Variants in TNFRSF11A observed in about 807,000 individuals in gnomAD.
TNFRSF11A encodes tumor necrosis factor receptor superfamily member 11A.
A neutral mutation model predicts 55.7 loss-of-function variants in TNFRSF11A; 32 were observed. The ratio of observed to expected loss-of-function variants is 0.57; its 90% confidence interval spans 0.43 to 0.77. The LOEUF (loss-of-function observed/expected upper bound fraction) is 0.77, where lower values mean the gene tolerates loss of function less well. Among genes scored for constraint, TNFRSF11A ranks in the 30% least tolerant of loss-of-function variants. TNFRSF11A has a pLI of 0.00. For missense variants in TNFRSF11A, 753 were observed against 809.8 expected (o/e 0.93, Z 0.85); for synonymous variants, 311 against 331.0 (o/e 0.94, Z 0.65).
At chr18:62,374,265 C>A (rs1490657115) in intron 9 of TNFRSF11A, 1 of 152,138 alleles carries the variant, frequency 6.6e-6, no homozygotes, top group African/African-American at 2.4e-5. Context: ...TTTTGGAAGG[C>A]TTTGGTCTGT....
At position 62,358,253 on chromosome 18, in the gene TNFRSF11A, C is replaced by G; in HGVS notation, c.433C>G (p.Leu145Val). The G allele has an allele frequency of 6.2e-7, 1 of 1,600,034 alleles. No individual in the cohort carries two copies. Among genetic ancestry groups the G allele is most frequent in the Non-Finnish European group, 8.5e-7 (1 of 1,172,322 alleles). ...TTTTTTTTTTTTTCTCACAGTGCAG[C>G]TCAACAAGGACACAGTGTGCAAACC... ...PGLGAQHPLQ[L>V]NKDTVCKPCL... The change falls in exon 5 of 10, where the codon CTC becomes GTC. Residue 145 changes from leucine to valine, a missense_variant. By Grantham distance (32) the Leu-to-Val change is conservative (BLOSUM62 1). Coordinates refer to ENST00000586569, the MANE Select transcript of TNFRSF11A (RefSeq NM_003839.4).
At position 62,361,678 on chromosome 18, in the gene TNFRSF11A, A is replaced by G; in HGVS notation, c.617-2A>G. On this transcript the variant is annotated splice_acceptor_variant, in intron 6 of 9. Transcript: ENST00000586569. LOFTEE classifies it high-confidence loss of function. Reference sequence around the variant, plus strand: ...CATATTTCTCATTTTCTTCCAATACAGAACCCCATGTTTACTTGCCCGGTT... The same window carrying G: ...CATATTTCTCATTTTCTTCCAATACGGAACCCCATGTTTACTTGCCCGGTT... 1 of 1,612,912 alleles carries G rather than the reference A, an allele frequency of 6.2e-7. No individual in the cohort carries two copies. The highest frequency in any genetic ancestry group is 8.5e-7 in the Non-Finnish European group (1 of 1,178,890).
intron 1 of TNFRSF11A, among the ~76,000 whole-genome samples, chr18:62,347,683 C>T (rs575110914): frequency 2.6e-4 from 40 of 152,148 alleles, no homozygotes; most frequent in African/African-American, 9.2e-4. Context: ...GAGGCCGAGG[C>T]GGGTGGATCA....
intron 4 of TNFRSF11A, among the ~76,000 whole-genome samples, chr18:62,356,578 T>G (rs1424560134): frequency 6.6e-6 from 1 of 152,184 alleles, no homozygotes; most frequent in East Asian, 1.9e-4. Context: ...GAATGGAAAT[T>G]TCACTCCTGT....
intron 6 of TNFRSF11A, among the ~76,000 whole-genome samples, 184 bp from the exon 7 acceptor site, chr18:62,361,496 G>A (rs1909681525): frequency 6.6e-6 from 1 of 152,174 alleles, no homozygotes; most frequent in Non-Finnish European, 1.5e-5. Flanking sequence ...GGCTGAGATT[G>A]TGGATCTCAC....
Position 62,383,327 on chromosome 18 carries a change from C to T in TNFRSF11A, c.1568-1424C>T, listed in dbSNP as rs1258254472. Reference sequence around the variant, plus strand: ...TTACCCAGTGGGTCAGGGGAAGGCTCCTCAAAGGAATTTCCTACATGCGTA... The same window carrying T: ...TTACCCAGTGGGTCAGGGGAAGGCTTCTCAAAGGAATTTCCTACATGCGTA... On this transcript the variant is annotated intron_variant, in intron 9 of 9. Transcript: ENST00000586569. This position sits in a 1 kb window ranked among gnomAD's most constrained non-coding sequence, Gnocchi z 4.2. Among the ~76,000 whole-genome samples, 2 of 152,176 alleles carry T rather than the reference C, an allele frequency of 1.3e-5. No individual in the cohort carries two copies. Among genetic ancestry groups the T allele is most frequent in the African/African-American group, 4.8e-5 (2 of 41,442 alleles).
Position 62,384,960 on chromosome 18 carries a change from G to A in TNFRSF11A, c.1777G>A (p.Gly593Ser), listed in dbSNP as rs1303842834. The change falls in exon 10 of 10, where the codon GGC becomes AGC. Residue 593 changes from glycine (G) to serine (S), a missense_variant. Transcript: ENST00000586569. ...GNGPRFPDPC[G>S]GPEGLREPEK... ...CGGCCCGCGCTTCCCGGACCCGTGC[G>A]GCGGCCCCGAGGGGCTGCGGGAGCC... 4.7e-6 allele frequency: 7 copies of A among 1,493,210 alleles called. No individual in the cohort carries two copies. Among genetic ancestry groups the A allele is most frequent in the Non-Finnish European group, 5.3e-6 (6 of 1,128,862 alleles). The allele number at this position is 1,493,210 out of a possible 1,614,324, so 92.5% of individuals were successfully genotyped here.
chr18:62,358,197 T>G, intron 4 of TNFRSF11A, 51 bp from the exon 5 acceptor site: 6 of 1,552,510 alleles, frequency 3.9e-6, no homozygotes, highest in Non-Finnish European at 5.3e-6. Flanking sequence ...AGTGACCTCG[T>G]TTGTTTTTTG....
In TNFRSF11A at chr18:62,384,935, C is replaced by A; in HGVS notation, c.1752C>A (p.Asn584Lys). The A allele has an allele frequency of 1.9e-6, 3 of 1,543,888 alleles. No individual in the cohort carries two copies. The highest frequency in any genetic ancestry group is 1.2e-5 in the South Asian group (1 of 84,238). Residue 584 changes from asparagine (N) to lysine (K), a missense_variant, in exon 10 of 10, where the codon AAC becomes AAA. Asn to Lys is a moderately conservative substitution (Grantham distance 94). Coordinates refer to ENST00000586569, the MANE Select transcript of TNFRSF11A (RefSeq NM_003839.4). ...CGCGCCGAGACTCCTTCGCGGGGAA[C>A]GGCCCGCGCTTCCCGGACCCGTGCG... ...TLARRDSFAG[N>K]GPRFPDPCGG...
In TNFRSF11A at chr18:62,369,187, A is replaced by G; in HGVS notation, c.1270A>G (p.Lys424Glu). Residue 424 changes from lysine to glutamate, a missense_variant, in exon 9 of 10, where the codon AAA becomes GAA. Physicochemically the swap from Lys to Glu is moderately conservative, Grantham distance 56. Around this residue, in one of 3 missense-constraint regions of TNFRSF11A, gnomAD observed 567 missense variants for 596.7 expected, o/e 0.95. Coordinates refer to ENST00000586569, the MANE Select transcript of TNFRSF11A (RefSeq NM_003839.4). ...CATGTCCTCTGAAAACTACTTGCAA[A>G]AAGAGGTGGACAGTGGCCATTGCCC... is the stretch of plus-strand genomic sequence containing the variant. ...TPMSSENYLQ[K>E]EVDSGHCPHW... 1 of 1,614,086 alleles carries G rather than the reference A, an allele frequency of 6.2e-7. No individual in the cohort carries two copies. Among genetic ancestry groups the G allele is most frequent in the Non-Finnish European group, 8.5e-7 (1 of 1,180,036 alleles).
At chr18:62,366,293 G>A (rs1910082041) in intron 7 of TNFRSF11A, among the ~76,000 whole-genome samples, 1 of 152,202 alleles carries the variant, frequency 6.6e-6, no homozygotes, top group Admixed American at 6.5e-5. Flanking sequence ...TATGTGTAGT[G>A]TTCCCCAAAA....
At chr18:62,340,956 C>T (rs926292462) in intron 1 of TNFRSF11A, among the ~76,000 whole-genome samples, 4 of 152,220 alleles carry the variant, frequency 2.6e-5, no homozygotes, top group Non-Finnish European at 5.9e-5. Context: ...TGTTCTGAAG[C>T]TTGAAATGTG....
At chr18:62,331,862 T>C (rs2145239191) in intron 1 of TNFRSF11A, among the ~76,000 whole-genome samples, 1 of 152,258 alleles carries the variant, frequency 6.6e-6, no homozygotes, top group South Asian at 2.1e-4. Flanking sequence ...GACTTCCCCA[T>C]ACCCCCAAAA....
At position 62,387,389 on chromosome 18, in the gene TNFRSF11A, GATT is replaced by G. The variant is rs1394747337; in HGVS notation, c.*2358_*2360del. On this transcript the variant is annotated 3_prime_UTR_variant, in exon 10 of 10. Coordinates refer to ENST00000586569, the MANE Select transcript of TNFRSF11A (RefSeq NM_003839.4). ...GTTATTAGGGGGAACATGATAAAGA[GATT>G]ATATTAAGCTTATGTTTCACCATAA... 1 of 152,184 alleles carries G rather than the reference GATT, an allele frequency of 6.6e-6. No individual in the cohort carries two copies. Among genetic ancestry groups the G allele is most frequent in the Non-Finnish European group, 1.5e-5 (1 of 68,028 alleles). 9.4% of individuals were successfully genotyped at this position (152,184 alleles called of 1,614,324 possible).
rs1057441189 is a variant in TNFRSF11A at position 62,384,911 on chromosome 18, G to A, written c.1728G>A (p.Ala576=). 4.5e-6 allele frequency: 7 copies of A among 1,567,912 alleles called. No homozygotes were observed. Among genetic ancestry groups the A allele is most frequent in the Non-Finnish European group, 5.2e-6 (6 of 1,157,722 alleles). The stretch of plus-strand genomic sequence containing the variant: ...GCCCGGTGCAGGAGGAGACCCTGGC[G>A]CGCCGAGACTCCTTCGCGGGGAACG... The part of the protein sequence containing the change: ...MGRPVQEETL[A]RRDSFAGNGP... The change falls in exon 10 of 10, where the codon GCG becomes GCA. Residue 576 remains alanine, a synonymous_variant. Coordinates refer to ENST00000586569, the MANE Select transcript of TNFRSF11A (RefSeq NM_003839.4).
At position 62,386,043 on chromosome 18, in the gene TNFRSF11A, G is replaced by T. The variant is rs950094330; in HGVS notation, c.*1009G>T. 2 of 152,186 alleles carry T rather than the reference G, an allele frequency of 1.3e-5. No individual in the cohort carries two copies. Among genetic ancestry groups the T allele is most frequent in the Non-Finnish European group, 1.5e-5 (1 of 68,036 alleles). The allele number at this position is 152,186 out of a possible 1,614,324, so 9.4% of individuals were successfully genotyped here. ...TTAAGTTTGTGTCGTTCCTTAAGCA[G>T]AACTAAGCTCAGTATGTGACCTTAC... On this transcript the variant is annotated 3_prime_UTR_variant, in exon 10 of 10. Transcript: ENST00000586569.
At position 62,375,646 on chromosome 18, in the gene TNFRSF11A, A is replaced by G. The variant is rs547355293; in HGVS notation, c.1567+6162A>G. ...TCTTCTTATTCCTCACAGAAATTCT[A>G]TGGGACAAGTTCCTCGCCCAGGATC... On this transcript the variant is annotated intron_variant, in intron 9 of 9. Coordinates refer to ENST00000586569, the MANE Select transcript of TNFRSF11A (RefSeq NM_003839.4). Among the ~76,000 whole-genome samples, 8 of 152,250 alleles carry G rather than the reference A, an allele frequency of 5.3e-5. No individual in the cohort carries two copies. In the East Asian group the frequency reaches 5.8e-4, roughly 11 times the overall value.
chr18:62,356,749 C>A (rs1367481488), intron 4 of TNFRSF11A, among the ~76,000 whole-genome samples: 1 of 152,196 alleles, frequency 6.6e-6, no homozygotes, highest in Admixed American at 6.5e-5. Flanking sequence ...CCTCGTTCAG[C>A]ATCTCAGAGG....
intron 5 of TNFRSF11A, among the ~76,000 whole-genome samples, chr18:62,359,463 TCAACCTC>T (rs1228761972): frequency 6.6e-6 from 1 of 152,028 alleles, no homozygotes; most frequent in Non-Finnish European, 1.5e-5. Context: ...CACTGCACCT[TCAACCTC>T]CTGGGCTCAA....
Sources: gnomAD v4.1 joint callset for allele counts (sites outside exome capture counted in the v4.1 genomes callset) on GRCh38, gnomAD v4.1.1 for gene constraint, gnomAD v4.1.1 regional missense constraint, Gnocchi (gnomAD v3.1) non-coding constraint, MANE v1.5 for transcripts, NCBI Gene and HGNC (gene_info 2026-07-23, HGNC 2026-07-21) for gene names.